The following PLCB4 variants were observed in gnomAD, a reference collection of about 807,000 sequenced individuals.
The protein encoded by PLCB4 is 1-phosphatidylinositol 4,5-bisphosphate phosphodiesterase beta-4.
A neutral mutation model predicts 178.8 loss-of-function variants in PLCB4; 77 were observed. The observed-to-expected ratio is 0.43, with a 90% CI of 0.36 to 0.52. The LOEUF is 0.52. PLCB4 is among the 20% of genes least tolerant of loss of function. The pLI, the probability that PLCB4 is intolerant of heterozygous loss-of-function variation, is 0.00. For missense variants in PLCB4, 1,024 were observed against 1,453.4 expected, an observed-to-expected ratio of 0.70 and a Z score of 4.80; for synonymous variants, 496 against 490.8, an observed-to-expected ratio of 1.01 and a Z score of -0.14.
intron 7 of PLCB4, among the ~76,000 whole-genome samples, chr20:9,341,949 G>A (rs1167411827): frequency 1.3e-5 from 2 of 152,128 alleles, no homozygotes; most frequent in Non-Finnish European, 2.9e-5. Context: ...CTATTACATC[G>A]AATTTCATTA....
chr20:9,441,295 A>C (rs2042087009), intron 30 of PLCB4, among the ~76,000 whole-genome samples: 1 of 152,134 alleles, frequency 6.6e-6, no homozygotes. Flanking sequence ...ACAAGAGAGA[A>C]GTCTATAGGT....
chr20:9,160,741 C>T (rs1193510842), intron 2 of PLCB4, among the ~76,000 whole-genome samples: 2 of 152,218 alleles, frequency 1.3e-5, no homozygotes, highest in Non-Finnish European at 2.9e-5. Context: ...AAGGGAGAGC[C>T]TGCAAGGGCA....
chr20:9,252,702 C>T (rs1221648197), intron 3 of PLCB4, among the ~76,000 whole-genome samples: 1 of 152,156 alleles, frequency 6.6e-6, no homozygotes, highest in African/African-American at 2.4e-5. Flanking sequence ...AGATTGCCCT[C>T]ATCAATGGAG....
At chr20:9,203,945 A>T (rs923600131) in intron 2 of PLCB4, among the ~76,000 whole-genome samples, 3 of 151,988 alleles carry the variant, frequency 2.0e-5, no homozygotes, top group African/African-American at 7.2e-5. Context: ...GATTTGGCCT[A>T]ATTTTATGTA....
intron 4 of PLCB4, among the ~76,000 whole-genome samples, chr20:9,320,983 C>T (rs149185577): frequency 2.0e-4 from 30 of 152,276 alleles, no homozygotes; most frequent in African/African-American, 7.0e-4. Flanking sequence ...GAATTGTAGA[C>T]TTACTAGAAG....
intron 4 of PLCB4, among the ~76,000 whole-genome samples, chr20:9,308,517 T>G (rs1471302950): frequency 2.6e-5 from 4 of 152,218 alleles, no homozygotes; most frequent in Admixed American, 1.3e-4. Context: ...CTGTTGTACT[T>G]GAATTTGAGG....
intron 2 of PLCB4, among the ~76,000 whole-genome samples, chr20:9,163,794 T>C (rs2092926955): frequency 1.3e-5 from 2 of 152,168 alleles, no homozygotes; most frequent in African/African-American, 4.8e-5. Flanking sequence ...ACATTCTATA[T>C]ACCGTAATTT....
chr20:9,330,271 C>T (rs1363329809), intron 4 of PLCB4, among the ~76,000 whole-genome samples: 1 of 151,450 alleles, frequency 6.6e-6, no homozygotes, highest in African/African-American at 2.4e-5. Context: ...GGTAGTCACG[C>T]ATAATGTGAT....
At chr20:9,118,412 T>C (rs1000930280) in intron 2 of PLCB4, among the ~76,000 whole-genome samples, 2 of 151,512 alleles carry the variant, frequency 1.3e-5, no homozygotes, top group African/African-American at 4.9e-5. Context: ...AAAATAACTT[T>C]AAAAAGTTAA....
chr20:9,250,411 CA>C (rs2094167957), intron 3 of PLCB4, among the ~76,000 whole-genome samples: 1 of 152,196 alleles, frequency 6.6e-6, no homozygotes, highest in African/African-American at 2.4e-5. Context: ...GAACAAAGGA[CA>C]GTGAATGAAT....
At chr20:9,430,061 AAAAT>A (rs146620996) in intron 28 of PLCB4, among the ~76,000 whole-genome samples, 12,324 of 151,922 alleles carry the variant, frequency 0.081, 548 homozygotes, top group Middle Eastern at 0.13. Flanking sequence ...ATGAGCTATA[AAAAT>A]AAATAAATAA....
chr20:9,185,320 T>TA (rs778150278), intron 2 of PLCB4, among the ~76,000 whole-genome samples: 99 of 152,268 alleles, frequency 6.5e-4, no homozygotes, highest in Middle Eastern at 6.8e-3. Context: ...GTTTTTTTTT[T>TA]ATTTATACTG....
intron 13 of PLCB4, among the ~76,000 whole-genome samples, chr20:9,381,377 C>A (rs2037128676): frequency 6.6e-6 from 1 of 152,166 alleles, no homozygotes; most frequent in Admixed American, 6.5e-5. Context: ...TATTTCCCTT[C>A]CCTACCTTCA....
chr20:9,089,169 A>G (rs1442345005), intron 1 of PLCB4, among the ~76,000 whole-genome samples: 1 of 151,920 alleles, frequency 6.6e-6, no homozygotes, highest in African/African-American at 2.4e-5. Context: ...ATTTAATGTG[A>G]TTTTGTACCA....
chr20:9,107,676 T>G (rs1380165362), intron 2 of PLCB4, among the ~76,000 whole-genome samples: 1 of 152,002 alleles, frequency 6.6e-6, no homozygotes, highest in Admixed American at 6.6e-5. Flanking sequence ...GAGGGTCTTA[T>G]AGTCTTCTGT....
At chr20:9,306,540 A>G (rs1254547660) in intron 3 of PLCB4, among the ~76,000 whole-genome samples, 2 of 152,212 alleles carry the variant, frequency 1.3e-5, no homozygotes, top group Admixed American at 1.3e-4. Context: ...GTGGTTAATT[A>G]TATTTTAGGA....
At chr20:9,459,092 C>T (rs2043227628) in intron 34 of PLCB4, among the ~76,000 whole-genome samples, 1 of 152,174 alleles carries the variant, frequency 6.6e-6, no homozygotes, top group African/African-American at 2.4e-5. Flanking sequence ...GCCTGTAATC[C>T]CGGCACTCTG....
chr20:9,476,692 G>T, intron 38 of PLCB4, 25 bp from the exon 39 acceptor site: 1 of 1,558,842 alleles, frequency 6.4e-7, no homozygotes, highest in South Asian at 1.1e-5. Flanking sequence ...ACTCAATTTT[G>T]ACATTACTAT....
chr20:9,071,847 G>A (rs953185935), intron 1 of PLCB4, among the ~76,000 whole-genome samples: 4 of 152,134 alleles, frequency 2.6e-5, no homozygotes, highest in Admixed American at 1.3e-4. Context: ...ATTTTTGTTT[G>A]TGATCACTTA....
Sources: allele counts gnomAD v4.1 joint callset (sites outside exome capture counted in the v4.1 genomes callset), GRCh38; gene constraint gnomAD v4.1.1; transcripts MANE v1.5; gene names NCBI Gene and HGNC (gene_info 2026-07-23, HGNC 2026-07-21).